Variants in GPC5 observed in about 807,000 individuals in gnomAD.
GPC5 encodes the protein glypican 5.
In GPC5, 47 loss-of-function variants were observed where a neutral mutation model predicts 53.9. The ratio of observed to expected loss-of-function variants is 0.87; its 90% CI spans 0.69 to 1.11. The LOEUF (loss-of-function observed/expected upper bound fraction) is 1.11, where lower values mean the gene tolerates loss of function less well. GPC5 is among the 50% of genes most tolerant of loss of function. The probability of loss-of-function intolerance (pLI) is 0.00; values close to 1 mark genes in which losing one functional copy is unlikely to be tolerated. For synonymous variants in GPC5, 286 were observed against 263.3 expected, an observed-to-expected ratio of 1.09 and a Z score of -0.84; for missense variants, 748 against 713.1, an observed-to-expected ratio of 1.05 and a Z score of -0.56.
intron 1 of GPC5, among the ~76,000 whole-genome samples, chr13:91,430,909 G>A (rs918251351): frequency 6.6e-6 from 1 of 152,132 alleles, no homozygotes; most frequent in African/African-American, 2.4e-5. Flanking sequence ...GGGTCTCGCT[G>A]TGTTACATAG....
chr13:91,760,557 C>T (rs577842807), intron 5 of GPC5, among the ~76,000 whole-genome samples: 1 of 152,238 alleles, frequency 6.6e-6, no homozygotes, highest in Admixed American at 6.5e-5. Flanking sequence ...AAGCCAAACA[C>T]ATCAATAGGT....
chr13:92,030,573 A>G (rs1299736720), intron 6 of GPC5, among the ~76,000 whole-genome samples: 3 of 151,936 alleles, frequency 2.0e-5, no homozygotes, highest in Non-Finnish European at 4.4e-5. Flanking sequence ...TTCCCTACAT[A>G]TATCACAACT....
chr13:91,569,723 C>T (rs1324079948), intron 2 of GPC5, among the ~76,000 whole-genome samples: 1 of 152,040 alleles, frequency 6.6e-6, no homozygotes, highest in Non-Finnish European at 1.5e-5. Context: ...TCAAGAGTAC[C>T]TCTCCCTTCA....
At chr13:91,514,306 C>A (rs1418186504) in intron 2 of GPC5, among the ~76,000 whole-genome samples, 1 of 152,142 alleles carries the variant, frequency 6.6e-6, no homozygotes, top group Non-Finnish European at 1.5e-5. Context: ...AGTGAGCCAA[C>A]ATTTGATGTC....
In GPC5 at chr13:91,512,491, C is replaced by T. The variant is rs192875471; in HGVS notation, c.325+63569C>T. 1.7e-4 allele frequency among the ~76,000 whole-genome samples: 26 copies of T among 152,336 alleles called. No homozygotes were observed. In the East Asian group the frequency reaches 4.2e-3, roughly 25 times the overall value. On this transcript the variant is annotated intron_variant, in intron 2 of 7. Transcript: ENST00000377067. ...GCCCTGGCATACTTTGAGGGATTCTCTCAGCTATTCTGCCCTGCTCCTGAT... is the reference window on the plus strand; with the variant it reads ...GCCCTGGCATACTTTGAGGGATTCTTTCAGCTATTCTGCCCTGCTCCTGAT...
intron 7 of GPC5, among the ~76,000 whole-genome samples, chr13:92,263,245 G>GA (rs1465446732): frequency 6.6e-6 from 1 of 152,086 alleles, no homozygotes; most frequent in African/African-American, 2.4e-5. Context: ...TAAATCATGT[G>GA]AATAAAAGTT....
At chr13:91,762,397 A>G (rs1249154877) in intron 5 of GPC5, among the ~76,000 whole-genome samples, 1 of 151,848 alleles carries the variant, frequency 6.6e-6, no homozygotes, top group African/African-American at 2.4e-5. Flanking sequence ...ACAGCATTCA[A>G]TTACATTTTT....
intron 2 of GPC5, among the ~76,000 whole-genome samples, chr13:91,455,974 G>A (rs1390236390): frequency 6.6e-6 from 1 of 151,940 alleles, no homozygotes; most frequent in African/African-American, 2.4e-5. Context: ...TTCTATTTTT[G>A]CAAGTCTTTT....
At chr13:91,721,424 C>T (rs745802154) in intron 3 of GPC5, among the ~76,000 whole-genome samples, 5 of 152,158 alleles carry the variant, frequency 3.3e-5, no homozygotes, top group Non-Finnish European at 7.4e-5. Flanking sequence ...CGTGAGCCAC[C>T]GTGCCCAGCC....
intron 7 of GPC5, among the ~76,000 whole-genome samples, chr13:92,164,968 T>G (rs1054729364): frequency 2.6e-5 from 4 of 152,222 alleles, no homozygotes; most frequent in African/African-American, 9.6e-5. Context: ...TTGGCCCCTT[T>G]TAGCCACAGC....
intron 7 of GPC5, among the ~76,000 whole-genome samples, chr13:92,847,350 G>A (rs981915756): frequency 1.3e-5 from 2 of 152,108 alleles, no homozygotes; most frequent in Non-Finnish European, 2.9e-5. Context: ...ATATGGTTTG[G>A]ATTTGTGTCC....
chr13:92,835,000 T>C (rs1230279569), intron 7 of GPC5, among the ~76,000 whole-genome samples: 2 of 152,106 alleles, frequency 1.3e-5, no homozygotes, highest in Non-Finnish European at 2.9e-5. Context: ...CAATTTCTTC[T>C]CTCTCGAGCT....
chr13:92,291,447 C>T (rs889118232), intron 7 of GPC5, among the ~76,000 whole-genome samples: 2 of 152,102 alleles, frequency 1.3e-5, no homozygotes, highest in Non-Finnish European at 2.9e-5. Context: ...GTGAATGCAC[C>T]AATCGACACT....
At chr13:92,116,598 A>G (rs2041603940) in intron 6 of GPC5, among the ~76,000 whole-genome samples, 1 of 152,238 alleles carries the variant, frequency 6.6e-6, no homozygotes, top group Non-Finnish European at 1.5e-5. Flanking sequence ...ATTGTCATAT[A>G]AACAATGTAT....
intron 7 of GPC5, among the ~76,000 whole-genome samples, chr13:92,372,856 C>A (rs1225393756): frequency 6.6e-6 from 1 of 152,146 alleles, no homozygotes. Context: ...ACTCCATGAA[C>A]ATTTTCAGTT....
intron 6 of GPC5, among the ~76,000 whole-genome samples, chr13:91,939,084 C>T (rs192173742): frequency 2.6e-4 from 40 of 151,412 alleles, no homozygotes; most frequent in African/African-American, 9.2e-4. Flanking sequence ...TTTGTTTTTG[C>T]CTTTCTCGTA....
intron 2 of GPC5, among the ~76,000 whole-genome samples, chr13:91,505,473 A>G (rs942954576): frequency 1.3e-5 from 2 of 152,226 alleles, no homozygotes; most frequent in Non-Finnish European, 1.5e-5. Flanking sequence ...TAGTGGGGAC[A>G]TGATGTGACT....
rs73620036 is a variant in GPC5, at chr13:91,996,736, T to C, written c.1401+88679T>C. ...TTACTTCTAACACTGTAGTTTACTT[T>C]GATCTTTGTTAATTTTAAAACACTG... On this transcript the variant is annotated intron_variant, in intron 6 of 7. Coordinates refer to ENST00000377067, the MANE Select transcript of GPC5 (RefSeq NM_004466.6). Among the ~76,000 whole-genome samples the C allele has an allele frequency of 3.9e-3, 593 of 152,338 alleles. 3 individuals carry two copies. The highest frequency in any genetic ancestry group is 0.013 in the African/African-American group (559 of 41,574).
chr13:92,245,659 C>T (rs1414451016), intron 7 of GPC5, among the ~76,000 whole-genome samples: 1 of 151,966 alleles, frequency 6.6e-6, no homozygotes, highest in Non-Finnish European at 1.5e-5. Flanking sequence ...GTTTTTATAG[C>T]TGTAGAGTTT....
Sources: allele counts gnomAD v4.1 joint callset (sites outside exome capture counted in the v4.1 genomes callset), GRCh38; gene constraint gnomAD v4.1.1; transcripts MANE v1.5; gene names NCBI Gene and HGNC (gene_info 2026-07-23, HGNC 2026-07-21).